PRKDC: variants seen among roughly 807,000 people sequenced by gnomAD.
PRKDC encodes protein kinase, DNA-activated, catalytic subunit.
A neutral mutation model predicts 486.9 loss-of-function variants in PRKDC; 82 were observed. The ratio of observed to expected loss-of-function variants is 0.17; its 90% CI spans 0.14 to 0.20. The LOEUF (loss-of-function observed/expected upper bound fraction) is 0.20. PRKDC is among the 10% of genes least tolerant of loss of function. The pLI, the probability that PRKDC is intolerant of heterozygous loss-of-function variation, is 1.00. For synonymous variants in PRKDC, 1,895 were observed against 1,837.0 expected (o/e 1.03, Z -0.81); for missense variants, 4,504 against 5,038.2 (o/e 0.89, Z 3.21).
intron 68 of PRKDC, among the ~76,000 whole-genome samples, chr8:47,809,386 C>G (rs1188853110): frequency 1.3e-5 from 2 of 152,106 alleles, no homozygotes; most frequent in East Asian, 1.9e-4. Flanking sequence ...CAAGTGGGTA[C>G]TGGATTAACA....
intron 84 of PRKDC, among the ~76,000 whole-genome samples, chr8:47,777,270 G>C (rs530575384): frequency 6.6e-6 from 1 of 151,872 alleles, no homozygotes; most frequent in South Asian, 2.1e-4. Flanking sequence ...GTGCAGTGGC[G>C]TGATCTCGGC....
intron 63 of PRKDC, among the ~76,000 whole-genome samples, chr8:47,825,095 G>C (rs2087703732): frequency 6.6e-6 from 1 of 152,168 alleles, no homozygotes; most frequent in African/African-American, 2.4e-5. Flanking sequence ...TGGAGCAGCA[G>C]CTCATGGCCC....
intron 30 of PRKDC, 105 bp downstream of exon 30, chr8:47,897,056 A>G: frequency 8.2e-7 from 1 of 1,225,896 alleles, no homozygotes; most frequent in South Asian, 1.8e-5. Context: ...TTAACTGAAT[A>G]CCATGTTAAC....
At chr8:47,879,436 T>G in intron 39 of PRKDC, 55 bp downstream of exon 39, 1 of 1,447,430 alleles carries the variant, frequency 6.9e-7, no homozygotes, top group Admixed American at 2.5e-5. Flanking sequence ...TCAAGATATG[T>G]AACAAGAAAA....
At chr8:47,794,878 A>G (rs1156280565) in intron 73 of PRKDC, among the ~76,000 whole-genome samples, 2 of 152,130 alleles carry the variant, frequency 1.3e-5, no homozygotes, top group Non-Finnish European at 2.9e-5. Context: ...ATCCCTGTAC[A>G]CATAACTTTA....
At chr8:47,949,551 T>C (rs911291347) in intron 7 of PRKDC, among the ~76,000 whole-genome samples, 2 of 152,174 alleles carry the variant, frequency 1.3e-5, no homozygotes, top group African/African-American at 4.8e-5. Context: ...CAAGTAAACA[T>C]AAAGACAAAT....
chr8:47,815,938 GGTAA>G (rs1156791172), intron 68 of PRKDC, among the ~76,000 whole-genome samples: 2 of 152,220 alleles, frequency 1.3e-5, no homozygotes, highest in Non-Finnish European at 2.9e-5. Flanking sequence ...GGCTGGGCAT[GGTAA>G]GTAATGCCTG....
chr8:47,848,362 C>T (rs1312641081), intron 54 of PRKDC, among the ~76,000 whole-genome samples: 5 of 152,096 alleles, frequency 3.3e-5, no homozygotes, highest in Admixed American at 3.3e-4. Flanking sequence ...GGCCACTGTC[C>T]TAAGTGAACT....
Position 47,859,547 on chromosome 8 carries a change from T to C in PRKDC, c.6207+64A>G. On this transcript the variant is annotated intron_variant, in intron 46 of 85. Transcript: ENST00000314191. ...GGCTTCCTGTAGTAACAGCAAGGCA[T>C]AGCTGTGACCCCCTTTCTTCACAAA... is the stretch of plus-strand genomic sequence containing the variant. The C allele has an allele frequency of 2.6e-6, 4 of 1,556,066 alleles. No homozygotes were observed. In the South Asian group the frequency reaches 3.6e-5, roughly 14 times the overall value.
Position 47,915,334 on chromosome 8 carries a change from G to A in PRKDC, c.2611C>T (p.Leu871=). The change falls in exon 23 of 86, where the codon CTG becomes TTG. Residue 871 remains leucine, a synonymous_variant. Transcript: ENST00000314191. ...TATTTTAAAAGAAGTTTACCTGTCA[G>A]AAGATTTTTGTTTATTTGTCCTCCT... The part of the protein sequence containing the change: ...SLGGQINKNL[L]TVTSSDEMMK... 6.5e-7 allele frequency: 1 copy of A among 1,527,322 alleles called. No homozygotes were observed. The highest frequency in any genetic ancestry group is 1.4e-5 in the African/African-American group (1 of 72,518). The allele number at this position is 1,527,322 out of a possible 1,614,324, so 94.6% of individuals were successfully genotyped here.
At chr8:47,890,791 T>C (rs189303758) in intron 31 of PRKDC, among the ~76,000 whole-genome samples, 2 of 152,344 alleles carry the variant, frequency 1.3e-5, no homozygotes, top group Admixed American at 6.5e-5. Context: ...TGCCAATTTC[T>C]ATCAAATGTT....
At position 47,834,125 on chromosome 8, in the gene PRKDC, G is replaced by T. The variant is rs751304593; in HGVS notation, c.8152+71C>A. 52 of 1,557,998 alleles carry T rather than the reference G, an allele frequency of 3.3e-5. No homozygotes were observed. The Admixed American group carries it at 4.4e-4, about 13-fold the overall frequency. On this transcript the variant is annotated intron_variant, in intron 59 of 85. Transcript: ENST00000314191. ...AGGAAACATGGATACAGTCAGAAATGTCCCCAGACCTGAGCTCTGCAGTAA... is the reference window on the plus strand; with the variant it reads ...AGGAAACATGGATACAGTCAGAAATTTCCCCAGACCTGAGCTCTGCAGTAA...
At chr8:47,877,601 TA>T in intron 40 of PRKDC, 122 bp downstream of exon 40, 1 of 1,061,386 alleles carries the variant, frequency 9.4e-7, no homozygotes, top group Non-Finnish European at 1.3e-6. Flanking sequence ...GACAAAAAAC[TA>T]AAATAAAGTT....
At chr8:47,795,380 G>C (rs2086963003) in intron 73 of PRKDC, among the ~76,000 whole-genome samples, 1 of 144,984 alleles carries the variant, frequency 6.9e-6, no homozygotes, top group Non-Finnish European at 1.5e-5. Flanking sequence ...TAGTAGAGAT[G>C]GGGTTTCACC....
intron 61 of PRKDC, among the ~76,000 whole-genome samples, chr8:47,830,391 C>CA (rs551237642): frequency 3.9e-5 from 6 of 152,160 alleles, no homozygotes; most frequent in Non-Finnish European, 7.3e-5. Context: ...CTGATGATCT[C>CA]AGAGTCTCCG....
In PRKDC at chr8:47,927,372, A is replaced by G; in HGVS notation, c.2260-19T>C. 1 of 1,590,556 alleles carries G rather than the reference A, an allele frequency of 6.3e-7. No homozygotes were observed. The highest frequency in any genetic ancestry group is 8.5e-7 in the Non-Finnish European group (1 of 1,173,032). On this transcript the variant is annotated intron_variant, in intron 20 of 85. Coordinates refer to ENST00000314191, the MANE Select transcript of PRKDC (RefSeq NM_006904.7). ...AAGCCATCTGTATGTTAATACAAACAAGTTAAACTGAAACGCAGGAAATAT... is the reference window on the plus strand; with the variant it reads ...AAGCCATCTGTATGTTAATACAAACGAGTTAAACTGAAACGCAGGAAATAT...
At position 47,935,898 on chromosome 8, in the gene PRKDC, A is replaced by G; in HGVS notation, c.1281T>C (p.Val427=). ...CCAGAACTGGAGTATACACCTCAGG[A>G]ACCTACCGGAAATAATCAGCAAACC... The part of the protein sequence containing the change: ...VASVLLYLDT[V]PEVYTPVLEH... Residue 427 remains valine, a splice_region_variant and synonymous_variant, in exon 13 of 86, where the codon GTT becomes GTC. Transcript: ENST00000314191. The G allele has an allele frequency of 1.2e-6, 2 of 1,611,620 alleles. No individual in the cohort carries two copies. The highest frequency in any genetic ancestry group is 1.1e-5 in the South Asian group (1 of 90,576).
At chr8:47,921,810 G>A (rs1355116098) in intron 21 of PRKDC, among the ~76,000 whole-genome samples, 2 of 152,200 alleles carry the variant, frequency 1.3e-5, no homozygotes, top group African/African-American at 2.4e-5. Flanking sequence ...TTGAGACAGA[G>A]TCTTGCTCTG....
At position 47,900,433 on chromosome 8, in the gene PRKDC, C is replaced by G. The variant is rs1210464572; in HGVS notation, c.3304G>C (p.Glu1102Gln). The G allele has an allele frequency of 6.2e-7, 1 of 1,611,452 alleles. No homozygotes were observed. The highest frequency in any genetic ancestry group is 8.5e-7 in the Non-Finnish European group (1 of 1,178,934). ...EESLVEQFVFEALVIYMESLA... is the reference protein window; with the variant it reads ...EESLVEQFVFQALVIYMESLA... Reference sequence around the variant, plus strand: ...CTCTCCATGTATATCACCAAGGCTTCAAACACAAACTGTTCCACCAGAGAC... The same window carrying G: ...CTCTCCATGTATATCACCAAGGCTTGAAACACAAACTGTTCCACCAGAGAC... Residue 1102 changes from glutamate to glutamine, a missense_variant, in exon 28 of 86, where the codon GAA (glutamate) becomes CAA (glutamine). Physicochemically the swap from Glu to Gln is conservative, Grantham distance 29. Coordinates refer to ENST00000314191, the MANE Select transcript of PRKDC (RefSeq NM_006904.7).
Sources: gnomAD v4.1 joint callset for allele counts (sites outside exome capture counted in the v4.1 genomes callset) on GRCh38, gnomAD v4.1.1 for gene constraint, MANE v1.5 for transcripts, NCBI Gene and HGNC (gene_info 2026-07-23, HGNC 2026-07-21) for gene names.